TCERG1L: variants seen among roughly 807,000 people sequenced by gnomAD.
TCERG1L encodes transcription elongation regulator 1-like protein.
In TCERG1L, 37 loss-of-function variants were observed where a neutral mutation model predicts 56.3. That is an observed-to-expected ratio of 0.66 (90% confidence interval 0.51 to 0.87). The LOEUF is 0.87. Ranked by LOEUF, TCERG1L falls within the 40% of genes least tolerant of loss-of-function variation. The probability of loss-of-function intolerance (pLI) is 0.00; values close to 1 mark genes in which losing one functional copy is unlikely to be tolerated. For synonymous variants in TCERG1L, 324 were observed against 326.3 expected (o/e 0.99, Z 0.08); for missense variants, 799 against 774.2 (o/e 1.03, Z -0.38).
At chr10:131,290,524 G>A (rs1846601630) in intron 3 of TCERG1L, among the ~76,000 whole-genome samples, 1 of 151,414 alleles carries the variant, frequency 6.6e-6, no homozygotes, top group Admixed American at 6.6e-5. Context: ...CAAGATACTT[G>A]GGAGGCTGAG....
At chr10:131,146,375 A>G (rs1017468457) in intron 7 of TCERG1L, 131 bp downstream of exon 7, 7 of 1,059,764 alleles carry the variant, frequency 6.6e-6, no homozygotes, top group Admixed American at 6.0e-5. Context: ...AAACTCTGCA[A>G]TCGGGCACAG....
chr10:131,113,249 C>T (rs942341672), intron 9 of TCERG1L, among the ~76,000 whole-genome samples: 1 of 142,746 alleles, frequency 7.0e-6, no homozygotes, highest in Non-Finnish European at 1.6e-5. Flanking sequence ...ATTATAATCC[C>T]ATTCCAGAAA....
chr10:131,093,531 C>T (rs12356313), intron 11 of TCERG1L, among the ~76,000 whole-genome samples: 46,316 of 151,870 alleles, frequency 0.3, 7,315 homozygotes, highest in East Asian at 0.34. Flanking sequence ...CTTGCAGGAC[C>T]CCCTTGTCTC....
At chr10:131,154,835 G>A (rs752204428) in intron 6 of TCERG1L, among the ~76,000 whole-genome samples, 86 of 152,358 alleles carry the variant, frequency 5.6e-4, no homozygotes, top group Non-Finnish European at 2.8e-4. Context: ...TGCAACAGGC[G>A]TGCTGTGCTG....
At chr10:131,140,543 C>T (rs1845725550) in intron 7 of TCERG1L, among the ~76,000 whole-genome samples, 1 of 152,208 alleles carries the variant, frequency 6.6e-6, no homozygotes, top group Non-Finnish European at 1.5e-5. Flanking sequence ...TCAGGTCCCC[C>T]CCATCTAGGC....
At chr10:131,144,853 A>T (rs1845778672) in intron 7 of TCERG1L, among the ~76,000 whole-genome samples, 1 of 152,208 alleles carries the variant, frequency 6.6e-6, no homozygotes, top group South Asian at 2.1e-4. Context: ...GCATCGAGCT[A>T]TGAGCCAGGA....
At chr10:131,190,096 C>T (rs1282251681) in intron 4 of TCERG1L, among the ~76,000 whole-genome samples, 1 of 152,118 alleles carries the variant, frequency 6.6e-6, no homozygotes. Flanking sequence ...GGAGACATTA[C>T]AGCTGACACC....
chr10:131,233,716 G>T (rs540687970), intron 4 of TCERG1L, among the ~76,000 whole-genome samples: 1 of 152,216 alleles, frequency 6.6e-6, no homozygotes, highest in South Asian at 2.1e-4. Flanking sequence ...TCCATTAAAC[G>T]TTTAAGAAGT....
At chr10:131,194,646 C>T (rs895164371) in intron 4 of TCERG1L, among the ~76,000 whole-genome samples, 1 of 152,254 alleles carries the variant, frequency 6.6e-6, no homozygotes, top group Non-Finnish European at 1.5e-5. Context: ...ATGATTTCCT[C>T]TGGAAGTTTT....
At chr10:131,120,352 C>T (rs74160851) in intron 8 of TCERG1L, among the ~76,000 whole-genome samples, 3,632 of 152,260 alleles carry the variant, frequency 0.024, 132 homozygotes, top group African/African-American at 0.084. Flanking sequence ...CCTTTGTGAA[C>T]AAGACACTTT....
At chr10:131,207,343 A>G (rs1364545116) in intron 4 of TCERG1L, among the ~76,000 whole-genome samples, 1 of 152,200 alleles carries the variant, frequency 6.6e-6, no homozygotes, top group Non-Finnish European at 1.5e-5. Flanking sequence ...GGCCTGGTGG[A>G]CAGGCGTCTT....
At chr10:131,304,525 T>A (rs941225598) in intron 3 of TCERG1L, among the ~76,000 whole-genome samples, 1 of 151,876 alleles carries the variant, frequency 6.6e-6, no homozygotes, top group African/African-American at 2.4e-5. Context: ...CAGGCACTGC[T>A]GAGGAAGAGG....
At chr10:131,277,963 T>C (rs1043704702) in intron 3 of TCERG1L, among the ~76,000 whole-genome samples, 3 of 152,092 alleles carry the variant, frequency 2.0e-5, no homozygotes, top group Non-Finnish European at 4.4e-5. Context: ...CTGGATTTCA[T>C]TCCGCATGTG....
At chr10:131,151,190 G>C (rs10829922) in intron 6 of TCERG1L, among the ~76,000 whole-genome samples, 2 of 151,932 alleles carry the variant, frequency 1.3e-5, no homozygotes, top group Non-Finnish European at 2.9e-5. Flanking sequence ...CCTTTCCAAC[G>C]GTCCCCCAAA....
chr10:131,305,586 C>T (rs555628399), intron 3 of TCERG1L, among the ~76,000 whole-genome samples: 5 of 152,028 alleles, frequency 3.3e-5, no homozygotes, highest in African/African-American at 1.2e-4. Context: ...CCTAAAACAA[C>T]AGTGCAAATT....
chr10:131,270,762 A>G (rs1846331638), intron 3 of TCERG1L, among the ~76,000 whole-genome samples: 1 of 152,052 alleles, frequency 6.6e-6, no homozygotes, highest in Non-Finnish European at 1.5e-5. Flanking sequence ...GCAAATGTCC[A>G]TTGTCCCTGT....
At chr10:131,123,162 G>A (rs1288441909) in intron 8 of TCERG1L, among the ~76,000 whole-genome samples, 11 of 152,168 alleles carry the variant, frequency 7.2e-5, no homozygotes, top group South Asian at 2.1e-4. Flanking sequence ...TGTCTGCAGC[G>A]GGCCCTGCTC....
intron 8 of TCERG1L, among the ~76,000 whole-genome samples, chr10:131,131,304 C>G (rs879586220): frequency 3.9e-5 from 6 of 152,148 alleles, no homozygotes; most frequent in Non-Finnish European, 8.8e-5. Context: ...CACGGGAATG[C>G]TCCCCAGAGC....
intron 4 of TCERG1L, among the ~76,000 whole-genome samples, chr10:131,233,423 CAT>C (rs199774631): frequency 1.3e-5 from 2 of 151,960 alleles, no homozygotes; most frequent in East Asian, 3.9e-4. Context: ...TACACACACA[CAT>C]ATATACACAC....
Sources: gnomAD v4.1 joint callset for allele counts (sites outside exome capture counted in the v4.1 genomes callset) on GRCh38, gnomAD v4.1.1 for gene constraint, MANE v1.5 for transcripts, NCBI Gene and HGNC (gene_info 2026-07-23, HGNC 2026-07-21) for gene names.